Variants in GRM8 observed in about 807,000 individuals in gnomAD.
The protein encoded by GRM8 is metabotropic glutamate receptor 8.
A neutral mutation model predicts 87.2 loss-of-function variants in GRM8; 47 were observed. The ratio of observed to expected loss-of-function variants is 0.54; its 90% CI spans 0.43 to 0.69. The LOEUF (loss-of-function observed/expected upper bound fraction) is 0.69. Ranked by LOEUF, GRM8 falls within the 30% of genes least tolerant of loss-of-function variation. The pLI, the probability that GRM8 is intolerant of heterozygous loss-of-function variation, is 0.00. For missense variants in GRM8, 1,019 were observed against 1,139.2 expected, an observed-to-expected ratio of 0.89 and a Z score of 1.52; for synonymous variants, 396 against 404.5, an observed-to-expected ratio of 0.98 and a Z score of 0.25.
chr7:127,015,091 AAGAAGG>A (rs910542017), intron 3 of GRM8, among the ~76,000 whole-genome samples: 4 of 135,156 alleles, frequency 3.0e-5, no homozygotes, highest in South Asian at 2.5e-4. Flanking sequence ...GAAGAAGGAG[AAGAAGG>A]AGAAGGAGAA....
At chr7:126,894,123 A>G (rs1221097492) in intron 6 of GRM8, among the ~76,000 whole-genome samples, 3 of 152,074 alleles carry the variant, frequency 2.0e-5, no homozygotes, top group Admixed American at 1.3e-4. Context: ...CTGATATTGA[A>G]TCATCTATAC....
At chr7:126,757,254 C>T (rs554222645) in intron 7 of GRM8, among the ~76,000 whole-genome samples, 19 of 152,092 alleles carry the variant, frequency 1.2e-4, no homozygotes, top group African/African-American at 4.6e-4. Flanking sequence ...CTAGTCTGTG[C>T]TATCAAAAGT....
intron 7 of GRM8, among the ~76,000 whole-genome samples, chr7:126,627,539 TTTC>T (rs960425043): frequency 4.7e-4 from 71 of 152,334 alleles, no homozygotes; most frequent in African/African-American, 1.5e-3. Context: ...TAAATATTTT[TTTC>T]TTCTTTTCTT....
chr7:126,973,970 A>G (rs1810696136), intron 3 of GRM8, among the ~76,000 whole-genome samples: 1 of 152,292 alleles, frequency 6.6e-6, no homozygotes, highest in South Asian at 2.1e-4. Flanking sequence ...AAAATCCAAA[A>G]TGCTCCAAAA....
At chr7:126,711,614 T>C (rs1254112386) in intron 7 of GRM8, among the ~76,000 whole-genome samples, 1 of 152,224 alleles carries the variant, frequency 6.6e-6, no homozygotes, top group Admixed American at 6.5e-5. Context: ...CATTGACTTC[T>C]TTCTGGCTAT....
intron 6 of GRM8, among the ~76,000 whole-genome samples, chr7:126,828,819 G>A (rs1204996176): frequency 1.3e-5 from 2 of 152,014 alleles, no homozygotes; most frequent in African/African-American, 2.4e-5. Flanking sequence ...GGCTTTTAGT[G>A]CTTTCTCTTG....
chr7:126,792,018 A>G (rs984989994), intron 6 of GRM8, among the ~76,000 whole-genome samples: 1 of 152,200 alleles, frequency 6.6e-6, no homozygotes, highest in Non-Finnish European at 1.5e-5. Context: ...GTCACAGATT[A>G]TAAGTGATAT....
intron 6 of GRM8, among the ~76,000 whole-genome samples, chr7:126,830,091 T>G (rs1199743223): frequency 1.3e-5 from 2 of 152,346 alleles, no homozygotes; most frequent in East Asian, 3.9e-4. Context: ...CTGATGGGCT[T>G]CCCTTTGAGG....
chr7:126,712,580 A>C lies in GRM8; in HGVS notation c.1357+57285T>G, dbSNP rs1811217136. ...TGGTACACCAAAAGCAACTGCAACA[A>C]AAGCCAAAACTGACAAATGGGATCT... On this transcript the variant is annotated intron_variant, in intron 7 of 10. Coordinates refer to ENST00000339582, the MANE Select transcript of GRM8 (RefSeq NM_000845.3). 7.2e-5 allele frequency among the ~76,000 whole-genome samples: 11 copies of C among 152,308 alleles called. No homozygotes were observed. The South Asian group carries it at 2.3e-3, about 32-fold the overall frequency.
chr7:126,726,274 C>T (rs1033032473), intron 7 of GRM8, among the ~76,000 whole-genome samples: 4 of 151,378 alleles, frequency 2.6e-5, no homozygotes, highest in African/African-American at 9.7e-5. Flanking sequence ...CAGTCACAGA[C>T]CCCTTGTTCT....
At chr7:126,732,530 T>C (rs956766176) in intron 7 of GRM8, among the ~76,000 whole-genome samples, 1 of 152,134 alleles carries the variant, frequency 6.6e-6, no homozygotes, top group African/African-American at 2.4e-5. Context: ...ACTTAGCATA[T>C]GAAAGAAGAA....
At chr7:126,578,037 C>T (rs1795266701) in intron 8 of GRM8, among the ~76,000 whole-genome samples, 1 of 152,104 alleles carries the variant, frequency 6.6e-6, no homozygotes, top group Non-Finnish European at 1.5e-5. Flanking sequence ...CTGACTCTCC[C>T]TCTCATTCAT....
chr7:127,055,617 C>T (rs748566657), intron 3 of GRM8, among the ~76,000 whole-genome samples: 1 of 152,010 alleles, frequency 6.6e-6, no homozygotes, highest in Non-Finnish European at 1.5e-5. Context: ...ACGGTCTCAG[C>T]AAGATATGGT....
At chr7:127,024,790 T>A (rs2132247403) in intron 3 of GRM8, among the ~76,000 whole-genome samples, 1 of 152,008 alleles carries the variant, frequency 6.6e-6, no homozygotes, top group East Asian at 1.9e-4. Context: ...CATGGCTGGG[T>A]CCTTCTTTTC....
chr7:126,615,218 T>A (rs970543645), intron 7 of GRM8, among the ~76,000 whole-genome samples: 1 of 152,162 alleles, frequency 6.6e-6, no homozygotes, highest in African/African-American at 2.4e-5. Flanking sequence ...GGGGCCAATA[T>A]TCAACATTCT....
intron 3 of GRM8, among the ~76,000 whole-genome samples, chr7:126,987,670 A>G (rs1196856160): frequency 6.6e-6 from 1 of 151,942 alleles, no homozygotes; most frequent in Non-Finnish European, 1.5e-5. Context: ...TCACCATGTT[A>G]GCCAGGATGG....
chr7:126,879,600 C>T (rs907684935), intron 6 of GRM8, among the ~76,000 whole-genome samples: 11 of 151,736 alleles, frequency 7.2e-5, no homozygotes, highest in African/African-American at 2.2e-4. Context: ...TTTTCCTTCT[C>T]AAGGCAAAGC....
intron 6 of GRM8, among the ~76,000 whole-genome samples, chr7:126,806,726 C>T (rs1008369195): frequency 2.6e-5 from 4 of 152,244 alleles, no homozygotes; most frequent in South Asian, 2.1e-4. Context: ...GGCACCTAGC[C>T]AGCCACTCTG....
At chr7:127,094,144 T>C (rs973041956) in intron 3 of GRM8, among the ~76,000 whole-genome samples, 2 of 152,258 alleles carry the variant, frequency 1.3e-5, no homozygotes, top group African/African-American at 4.8e-5. Flanking sequence ...GGTGTTTTTA[T>C]ATTATGTTCT....
Sources: allele counts gnomAD v4.1 joint callset (sites outside exome capture counted in the v4.1 genomes callset), GRCh38; gene constraint gnomAD v4.1.1; transcripts MANE v1.5; gene names NCBI Gene and HGNC (gene_info 2026-07-23, HGNC 2026-07-21).